GPC1: variants seen among roughly 807,000 people sequenced by gnomAD.
GPC1 encodes the protein glypican 1, also known as glypican-1.
Under a neutral mutation model 51.5 loss-of-function variants are expected in GPC1, and 26 were observed. That is an observed-to-expected ratio of 0.50 (90% CI 0.37 to 0.70). The LOEUF (loss-of-function observed/expected upper bound fraction) is 0.70. Among genes scored for constraint, GPC1 ranks in the 30% least tolerant of loss-of-function variants. GPC1 has a pLI of 0.00. For synonymous variants in GPC1, 380 were observed against 348.3 expected, an observed-to-expected ratio of 1.09 and a Z score of -1.01; for missense variants, 775 against 800.5, an observed-to-expected ratio of 0.97 and a Z score of 0.38.
rs772170454 is a variant in GPC1 at position 240,459,044 on chromosome 2, A to G, written c.181A>G (p.Ile61Val). ...TTTCCCCACAGGTGAGCACCTGCGGATCTGTCCCCAGGGCTACACCTGCTG... is the reference window on the plus strand; with the variant it reads ...TTTCCCCACAGGTGAGCACCTGCGGGTCTGTCCCCAGGGCTACACCTGCTG... ...QAEISGEHLR[I>V]CPQGYTCCTS... The change falls in exon 2 of 9, where the codon ATC (isoleucine) becomes GTC (valine). Residue 61 changes from isoleucine (I) to valine (V), a missense_variant. Coordinates refer to ENST00000264039, the MANE Select transcript of GPC1 (RefSeq NM_002081.3). The G allele has an allele frequency of 2.5e-6, 4 of 1,612,680 alleles. No individual in the cohort carries two copies. In the Admixed American group the frequency reaches 5.0e-5, roughly 20 times the overall value.
At chr2:240,443,794 C>T (rs2074032665) in intron 1 of GPC1, among the ~76,000 whole-genome samples, 2 of 152,170 alleles carry the variant, frequency 1.3e-5, no homozygotes, top group Non-Finnish European at 2.9e-5. Flanking sequence ...CCCAGGAGTT[C>T]CCAGAGTCGG....
At chr2:240,451,739 T>G (rs1223939670) in intron 1 of GPC1, 1 of 169,852 alleles carries the variant, frequency 5.9e-6, no homozygotes, top group African/African-American at 2.4e-5. Context: ...TGGAGCAGGC[T>G]GGCATGGGGG....
Position 240,459,228 on chromosome 2 carries a change from C to T in GPC1, c.325+40C>T, listed in dbSNP as rs34180864. The T allele has an allele frequency of 5.5e-4, 874 of 1,583,316 alleles. 2 individuals carry two copies. In the African/African-American group the frequency reaches 5.8e-3, roughly 11 times the overall value. Reference sequence around the variant, plus strand: ...CGGGCGCTCGGGGCCCGCAGGGTGCCGGTGCATCGGGGGAGGGGCACACTG... The same window carrying T: ...CGGGCGCTCGGGGCCCGCAGGGTGCTGGTGCATCGGGGGAGGGGCACACTG... On this transcript the variant is annotated intron_variant, in intron 2 of 8. Transcript: ENST00000264039.
chr2:240,455,702 A>T (rs1457449942), intron 1 of GPC1, among the ~76,000 whole-genome samples: 2 of 152,084 alleles, frequency 1.3e-5, no homozygotes, highest in African/African-American at 2.4e-5. Flanking sequence ...TCTTGGGCAC[A>T]TTGCTCTCCA....
chr2:240,438,806 T>C (rs1316014384), intron 1 of GPC1, among the ~76,000 whole-genome samples: 1 of 152,210 alleles, frequency 6.6e-6, no homozygotes, highest in African/African-American at 2.4e-5. Flanking sequence ...CAGGCCAGGC[T>C]GCAGTGACAG....
At chr2:240,441,249 C>A (rs968202895) in intron 1 of GPC1, among the ~76,000 whole-genome samples, 1 of 152,258 alleles carries the variant, frequency 6.6e-6, no homozygotes, top group African/African-American at 2.4e-5. Flanking sequence ...TGAGCATGCC[C>A]ATGTCTGTTC....
At chr2:240,464,279 C>T (rs758867034) in intron 4 of GPC1, 130 of 339,502 alleles carry the variant, frequency 3.8e-4, no homozygotes, top group Middle Eastern at 9.4e-4. Context: ...ACAAGCTGGA[C>T]CAAGGTGAGC....
At chr2:240,436,765 C>A (rs2073986929) in intron 1 of GPC1, among the ~76,000 whole-genome samples, 1 of 152,264 alleles carries the variant, frequency 6.6e-6, no homozygotes. Flanking sequence ...GCGCCGGCCC[C>A]CGCCTGGCGC....
chr2:240,459,164 G>A lies in GPC1; in HGVS notation c.301G>A (p.Ala101Thr), dbSNP rs761428803. The change falls in exon 2 of 9, where the codon GCC (alanine) becomes ACC (threonine). Residue 101 changes from alanine to threonine, a missense_variant. Coordinates refer to ENST00000264039, the MANE Select transcript of GPC1 (RefSeq NM_002081.3). ...DSSRVLQAML[A>T]TQLRSFDDHF... is the part of the protein sequence containing the mutation. ...CAGCCGCGTCCTGCAGGCCATGCTT[G>A]CCACCCAGCTGCGCAGCTTCGATGG... is the stretch of plus-strand genomic sequence containing the variant. 1.2e-6 allele frequency: 2 copies of A among 1,612,348 alleles called. No individual in the cohort carries two copies. Among genetic ancestry groups the A allele is most frequent in the South Asian group, 2.2e-5 (2 of 91,022 alleles).
chr2:240,462,943 G>A (rs1164085325), intron 3 of GPC1, among the ~76,000 whole-genome samples: 1 of 152,134 alleles, frequency 6.6e-6, no homozygotes, highest in Non-Finnish European at 1.5e-5. Flanking sequence ...GGCAGGGTGG[G>A]GCCCCAGAGC....
At chr2:240,461,974 CT>C (rs941420759) in intron 2 of GPC1, among the ~76,000 whole-genome samples, 1 of 152,112 alleles carries the variant, frequency 6.6e-6, no homozygotes, top group Non-Finnish European at 1.5e-5. Flanking sequence ...AGAGGACCCC[CT>C]GCCACCTGGG....
intron 1 of GPC1, among the ~76,000 whole-genome samples, chr2:240,440,945 G>C (rs2074013465): frequency 6.6e-6 from 1 of 152,284 alleles, no homozygotes; most frequent in African/African-American, 2.4e-5. Flanking sequence ...ACGAAGCCCT[G>C]CATGTCCCCA....
chr2:240,468,056 GAAT>G lies in GPC1; in HGVS notation c.*1769_*1771del, dbSNP rs2151798947. ...CGTGTGTTCTTTTGAGTCCTTGTAT[GAAT>G]AAAAGGCTGGAAACCTACAGCAGGG... On this transcript the variant is annotated 3_prime_UTR_variant, in exon 9 of 9. Coordinates refer to ENST00000264039, the MANE Select transcript of GPC1 (RefSeq NM_002081.3). 2 of 152,486 alleles carry G rather than the reference GAAT, an allele frequency of 1.3e-5. No individual in the cohort carries two copies. Among genetic ancestry groups the G allele is most frequent in the Non-Finnish European group, 2.9e-5 (2 of 68,136 alleles). 9.4% of individuals were successfully genotyped at this position (152,486 alleles called of 1,614,324 possible).
intron 1 of GPC1, chr2:240,450,700 G>A (rs2074090886): frequency 4.3e-6 from 2 of 468,798 alleles, no homozygotes; most frequent in Admixed American, 2.4e-5. Context: ...TGTGGCTCGT[G>A]GGCCATGCTG....
chr2:240,456,859 T>C (rs1331312671), intron 1 of GPC1: 1 of 305,574 alleles, frequency 3.3e-6, no homozygotes, highest in Non-Finnish European at 6.7e-6. Flanking sequence ...CCCAGTCTTC[T>C]TGCCTGAGGG....
intron 1 of GPC1, chr2:240,458,621 T>C (rs12469469): frequency 0.26 from 46,625 of 179,132 alleles, 6,370 homozygotes; most frequent in Middle Eastern, 0.37. Flanking sequence ...GAGAGGGGGA[T>C]TGGATTCCTT....
chr2:240,451,210 C>A lies in GPC1; in HGVS notation c.167-7820C>A, dbSNP rs756106106. The A allele has an allele frequency of 4.9e-5, 23 of 471,122 alleles. 1 individual carries two copies. Among genetic ancestry groups the A allele is most frequent in the South Asian group, 3.6e-4 (23 of 64,564 alleles). The allele number at this position is 471,122 out of a possible 1,614,324, so 29.2% of individuals were successfully genotyped here. ...GGGTTTGCTCTGGGATCCGGCCCAG[C>A]CTCAGCTGTATGTGTGTCTCTGCCT... On this transcript the variant is annotated intron_variant, in intron 1 of 8. Coordinates refer to ENST00000264039, the MANE Select transcript of GPC1 (RefSeq NM_002081.3).
chr2:240,458,906 C>T (rs764455408), intron 1 of GPC1, 124 bp from the exon 2 acceptor site: 24 of 823,086 alleles, frequency 2.9e-5, no homozygotes, highest in Non-Finnish European at 4.0e-5. Context: ...ACCCCCCAGG[C>T]TGGCCCACCC....
intron 1 of GPC1, chr2:240,449,999 CTG>C: frequency 2.2e-6 from 1 of 452,066 alleles, no homozygotes; most frequent in Non-Finnish European, 4.5e-6. Flanking sequence ...GTGAATAATG[CTG>C]TGAGCATGGG....
Sources: allele counts gnomAD v4.1 joint callset (sites outside exome capture counted in the v4.1 genomes callset), GRCh38; gene constraint gnomAD v4.1.1; transcripts MANE v1.5; gene names NCBI Gene and HGNC (gene_info 2026-07-23, HGNC 2026-07-21).